SPPL2A: variants seen among roughly 807,000 people sequenced by gnomAD.
SPPL2A encodes signal peptide peptidase-like 2A.
In SPPL2A, 51 loss-of-function variants were observed where a neutral mutation model predicts 63.8. The ratio of observed to expected loss-of-function variants is 0.80; its 90% CI spans 0.64 to 1.01. SPPL2A has a LOEUF of 1.01. Ranked by LOEUF, SPPL2A falls within the 50% of genes least tolerant of loss-of-function variation. The probability of loss-of-function intolerance (pLI) is 0.00; values close to 1 mark genes in which losing one functional copy is unlikely to be tolerated. For synonymous variants in SPPL2A, 188 were observed against 205.8 expected (o/e 0.91, Z 0.74); for missense variants, 553 against 622.7 (o/e 0.89, Z 1.19).
At position 50,722,402 on chromosome 15, in the gene SPPL2A, T is replaced by A. The variant is rs542224065; in HGVS notation, c.1250-201A>T. 7.2e-5 allele frequency among the ~76,000 whole-genome samples: 11 copies of A among 152,360 alleles called. 1 individual carries two copies. The South Asian group carries it at 2.3e-3, about 32-fold the overall frequency. On this transcript the variant is annotated intron_variant, in intron 12 of 14. Transcript: ENST00000261854. ...ATAGTTTAAACATTTCCTCAAGCTA[T>A]TAAATAGTTTTTAACTATCATTTTT...
At chr15:50,721,583 C>G (rs1039714261) in intron 13 of SPPL2A, among the ~76,000 whole-genome samples, 5 of 151,188 alleles carry the variant, frequency 3.3e-5, no homozygotes, top group East Asian at 3.9e-4. Flanking sequence ...GGCATGACCA[C>G]CACACACAGC....
chr15:50,713,575 A>AT (rs141716345), intron 14 of SPPL2A, among the ~76,000 whole-genome samples: 3,822 of 149,272 alleles, frequency 0.026, 72 homozygotes, highest in Non-Finnish European at 0.039. Context: ...TTTCCTGAGT[A>AT]TTTTTTTTTT....
intron 1 of SPPL2A, among the ~76,000 whole-genome samples, chr15:50,759,047 T>C (rs951189977): frequency 2.0e-5 from 3 of 152,096 alleles, no homozygotes; most frequent in Non-Finnish European, 4.4e-5. Flanking sequence ...ACTACAGGCA[T>C]GATCCACTGT....
chr15:50,722,312 G>T, intron 12 of SPPL2A, 111 bp from the exon 13 acceptor site: 1 of 608,082 alleles, frequency 1.6e-6, no homozygotes, highest in Non-Finnish European at 2.9e-6. Flanking sequence ...TGCATTATAA[G>T]AACATTCAAG....
intron 9 of SPPL2A, among the ~76,000 whole-genome samples, chr15:50,731,494 T>C (rs1486358332): frequency 1.3e-5 from 2 of 151,554 alleles, no homozygotes; most frequent in Non-Finnish European, 2.9e-5. Context: ...TGCAGTGAGC[T>C]GAGATCGTGC....
chr15:50,726,287 T>C (rs1318548568), intron 11 of SPPL2A, 34 bp downstream of exon 11: 3 of 1,603,308 alleles, frequency 1.9e-6, no homozygotes, highest in Non-Finnish European at 1.7e-6. Context: ...ATACATACAC[T>C]GGATAGCCAT....
chr15:50,712,387 C>G (rs1282716212), intron 14 of SPPL2A, among the ~76,000 whole-genome samples: 1 of 152,096 alleles, frequency 6.6e-6, no homozygotes, highest in Non-Finnish European at 1.5e-5. Context: ...ACTGACAAAG[C>G]TTAGGAGATG....
intron 8 of SPPL2A, 105 bp downstream of exon 8, chr15:50,735,996 C>G (rs527448036): frequency 5.5e-5 from 37 of 673,932 alleles, no homozygotes; most frequent in Non-Finnish European, 7.7e-6. Context: ...GACTGGTGTT[C>G]TGGCATAGAA....
chr15:50,728,198 T>C lies in SPPL2A; in HGVS notation c.1090-1821A>G, dbSNP rs146311631. ...TGTGTAATATATGTGTCATATGTTA[T>C]GGATTATCTGTTGATTTATGGAAAT... On this transcript the variant is annotated intron_variant, in intron 10 of 14. Coordinates refer to ENST00000261854, the MANE Select transcript of SPPL2A (RefSeq NM_032802.4). Among the ~76,000 whole-genome samples, 432 of 152,340 alleles carry C rather than the reference T, an allele frequency of 2.8e-3. 5 individuals carry two copies. The highest frequency in any genetic ancestry group is 9.8e-3 in the African/African-American group (409 of 41,574).
chr15:50,757,959 A>G (rs1431881872), intron 1 of SPPL2A, among the ~76,000 whole-genome samples: 16 of 138,776 alleles, frequency 1.2e-4, no homozygotes, highest in East Asian at 5.0e-4. Flanking sequence ...GCTCCAGCCT[A>G]GGCGACAGAG....
In SPPL2A at chr15:50,740,932, A is replaced by G. The variant is rs569810007; in HGVS notation, c.585-1104T>C. Among the ~76,000 whole-genome samples the G allele has an allele frequency of 1.4e-4, 22 of 152,176 alleles. No homozygotes were observed. The South Asian group carries it at 3.1e-3, about 22-fold the overall frequency. On this transcript the variant is annotated intron_variant, in intron 5 of 14. Transcript: ENST00000261854. ...CGCTTCTCTTAAATGTAAACGCTAA[A>G]TTCTCCTCTCAATCAACTTAGCATT...
chr15:50,704,889 T>G lies in SPPL2A; in HGVS notation c.*2911A>C, dbSNP rs916838804. 1 of 152,192 alleles carries G rather than the reference T, an allele frequency of 6.6e-6. No homozygotes were observed. The highest frequency in any genetic ancestry group is 1.5e-5 in the Non-Finnish European group (1 of 68,026). The allele number at this position is 152,192 out of a possible 1,614,324, so 9.4% of individuals were successfully genotyped here. A position where few individuals can be genotyped will look rare whatever the true frequency, so the allele number is the denominator to read the frequency against. On this transcript the variant is annotated 3_prime_UTR_variant, in exon 15 of 15. Coordinates refer to ENST00000261854, the MANE Select transcript of SPPL2A (RefSeq NM_032802.4). Reference sequence around the variant, plus strand: ...AAATTAGAACAAGATTTTACCTCCTTAATAACTAATGGTTAGATAAAGTAG... The same window carrying G: ...AAATTAGAACAAGATTTTACCTCCTGAATAACTAATGGTTAGATAAAGTAG...
chr15:50,722,244 G>A lies in SPPL2A; in HGVS notation c.1250-43C>T, dbSNP rs371045767. ...ACATTATTTTCTTAAAACAATAACA[G>A]CAATGCAAATTCAATTGTTAACAAT... On this transcript the variant is annotated intron_variant, in intron 12 of 14. Transcript: ENST00000261854. 36 of 1,094,654 alleles carry A rather than the reference G, an allele frequency of 3.3e-5. No individual in the cohort carries two copies. The African/African-American group carries it at 3.6e-4, about 11-fold the overall frequency. 67.8% of individuals were successfully genotyped at this position (1,094,654 alleles called of 1,614,324 possible).
Position 50,747,535 on chromosome 15 carries a change from T to G in SPPL2A, c.544A>C (p.Thr182Pro), listed in dbSNP as rs2062867760. 1 of 1,612,192 alleles carries G rather than the reference T, an allele frequency of 6.2e-7. No individual in the cohort carries two copies. The highest frequency in any genetic ancestry group is 1.3e-5 in the African/African-American group (1 of 74,904). ...CTCCAGTATCCACCTAATGCCACAG[T>G]GAACACCGCAATTACAAAAATAACC... The part of the protein sequence containing the change: ...MVVIFVIAVF[T>P]VALGGYWSGL... Residue 182 changes from threonine to proline, a missense_variant, in exon 5 of 15, where the codon ACT becomes CCT. Transcript: ENST00000261854.
chr15:50,710,074 CTCT>C (rs890449778), intron 14 of SPPL2A, among the ~76,000 whole-genome samples: 12 of 152,274 alleles, frequency 7.9e-5, no homozygotes, highest in South Asian at 4.1e-4. Flanking sequence ...ATTTAGGCCC[CTCT>C]TCTTCTAGGA....
At chr15:50,749,294 T>C (rs2062885837) in intron 2 of SPPL2A, among the ~76,000 whole-genome samples, 1 of 150,330 alleles carries the variant, frequency 6.7e-6, no homozygotes, top group African/African-American at 2.4e-5. Context: ...TCTTCACTAT[T>C]TTTTTTTTTC....
chr15:50,757,485 A>G (rs1443864699), intron 1 of SPPL2A, among the ~76,000 whole-genome samples: 1 of 151,960 alleles, frequency 6.6e-6, no homozygotes, highest in African/African-American at 2.4e-5. Flanking sequence ...CTCACCCCCA[A>G]TCTTCCTTTT....
At chr15:50,744,668 TTTAG>T (rs2062845047) in intron 5 of SPPL2A, among the ~76,000 whole-genome samples, 1 of 152,212 alleles carries the variant, frequency 6.6e-6, no homozygotes, top group Non-Finnish European at 1.5e-5. Context: ...GCTTTAAAGT[TTTAG>T]TTAATCTTCA....
chr15:50,753,271 A>G (rs1468600490), intron 1 of SPPL2A, among the ~76,000 whole-genome samples: 4 of 152,214 alleles, frequency 2.6e-5, no homozygotes, highest in African/African-American at 9.6e-5. Context: ...AGCTTGAGGA[A>G]AAATGTGGAG....
Sources: gnomAD v4.1 joint callset for allele counts (sites outside exome capture counted in the v4.1 genomes callset) on GRCh38, gnomAD v4.1.1 for gene constraint, MANE v1.5 for transcripts, NCBI Gene and HGNC (gene_info 2026-07-23, HGNC 2026-07-21) for gene names.